Variants in DPP10 observed in about 807,000 individuals in gnomAD.
DPP10 encodes dipeptidyl peptidase like 10.
Under a neutral mutation model 120.9 loss-of-function variants are expected in DPP10, and 33 were observed. That is an observed-to-expected ratio of 0.27 (90% CI 0.21 to 0.37). The LOEUF (loss-of-function observed/expected upper bound fraction) is 0.37. Among genes scored for constraint, DPP10 ranks in the 10% least tolerant of loss-of-function variants. The pLI, the probability that DPP10 is intolerant of heterozygous loss-of-function variation, is 1.00. For synonymous variants in DPP10, 337 were observed against 326.1 expected, an observed-to-expected ratio of 1.03 and a Z score of -0.36; for missense variants, 816 against 942.8, an observed-to-expected ratio of 0.87 and a Z score of 1.76.
intron 2 of DPP10, among the ~76,000 whole-genome samples, chr2:115,341,161 G>A (rs991078722): frequency 6.6e-6 from 1 of 152,058 alleles, no homozygotes; most frequent in African/African-American, 2.4e-5. Context: ...GAAACAAAAA[G>A]CACTTATCCT....
chr2:115,447,744 C>G (rs530588498), intron 3 of DPP10, among the ~76,000 whole-genome samples: 1 of 152,312 alleles, frequency 6.6e-6, no homozygotes, highest in African/African-American at 2.4e-5. Flanking sequence ...GAGATCTCCT[C>G]AGCCATGCAG....
chr2:114,677,226 C>T (rs1268460184), intron 1 of DPP10, among the ~76,000 whole-genome samples: 1 of 152,082 alleles, frequency 6.6e-6, no homozygotes, highest in Non-Finnish European at 1.5e-5. Context: ...AGACGGCTGT[C>T]TAGGCAAGGC....
chr2:115,096,846 G>A (rs935372367), intron 1 of DPP10, among the ~76,000 whole-genome samples: 37 of 152,166 alleles, frequency 2.4e-4, no homozygotes, highest in South Asian at 8.3e-4. Context: ...GTAACAGTTC[G>A]TCTCAGATGT....
chr2:114,465,030 C>A (rs1679238500), intron 1 of DPP10, among the ~76,000 whole-genome samples: 1 of 152,202 alleles, frequency 6.6e-6, no homozygotes. Flanking sequence ...CATCTTAACA[C>A]CTGAGCATGC....
chr2:115,200,354 A>G (rs2055609005), intron 1 of DPP10, among the ~76,000 whole-genome samples: 1 of 152,162 alleles, frequency 6.6e-6, no homozygotes, highest in South Asian at 2.1e-4. Context: ...ATAGGTGTAC[A>G]AGGAACTCTG....
intron 3 of DPP10, among the ~76,000 whole-genome samples, chr2:115,364,776 G>A (rs923215625): frequency 6.6e-6 from 1 of 151,986 alleles, no homozygotes; most frequent in African/African-American, 2.4e-5. Context: ...CTAGCACGTA[G>A]TTACGCTGTT....
At chr2:115,591,435 T>G (rs1398902565) in intron 5 of DPP10, among the ~76,000 whole-genome samples, 3 of 152,222 alleles carry the variant, frequency 2.0e-5, no homozygotes, top group Non-Finnish European at 4.4e-5. Flanking sequence ...TTCTTGTTTT[T>G]GTCAGGTTTT....
intron 1 of DPP10, among the ~76,000 whole-genome samples, chr2:114,860,892 G>T (rs528296308): frequency 1.3e-5 from 2 of 152,264 alleles, no homozygotes; most frequent in East Asian, 3.9e-4. Context: ...CCTCTCCAGA[G>T]GCAACCAATA....
chr2:114,458,171 C>A (rs1678683301), intron 1 of DPP10, among the ~76,000 whole-genome samples: 1 of 152,216 alleles, frequency 6.6e-6, no homozygotes, highest in African/African-American at 2.4e-5. Context: ...CTATCCTGTG[C>A]TATTCTGCCA....
intron 1 of DPP10, among the ~76,000 whole-genome samples, chr2:114,689,247 G>A (rs535759054): frequency 2.9e-5 from 4 of 139,162 alleles, no homozygotes; most frequent in Admixed American, 7.6e-5. Context: ...ACCACCCTGC[G>A]ACAGACCCCA....
intron 1 of DPP10, among the ~76,000 whole-genome samples, chr2:114,814,137 A>T (rs575250550): frequency 1.1e-3 from 161 of 152,310 alleles, no homozygotes; most frequent in Middle Eastern, 3.4e-3. Context: ...CATAGTCTCC[A>T]CTTGGAAAGC....
At chr2:115,733,152 T>C (rs2149663685) in intron 8 of DPP10, among the ~76,000 whole-genome samples, 1 of 152,306 alleles carries the variant, frequency 6.6e-6, no homozygotes, top group Non-Finnish European at 1.5e-5. Flanking sequence ...GCAATATTCT[T>C]ATCAGCAGAT....
At chr2:115,780,757 C>G in intron 15 of DPP10, 117 bp from the exon 16 acceptor site, 1 of 898,560 alleles carries the variant, frequency 1.1e-6, no homozygotes, top group Non-Finnish European at 1.6e-6. Context: ...TACAGTGAAC[C>G]TCTATGCAAG....
At chr2:115,343,777 C>A in intron 2 of DPP10, 40 bp from the exon 3 acceptor site, 1 of 1,437,412 alleles carries the variant, frequency 7.0e-7, no homozygotes, top group Non-Finnish European at 9.7e-7. Flanking sequence ...AAAAAACAAG[C>A]ATAAGATAGG....
chr2:114,482,799 G>A (rs1681176317), intron 1 of DPP10, among the ~76,000 whole-genome samples: 1 of 152,112 alleles, frequency 6.6e-6, no homozygotes, highest in African/African-American at 2.4e-5. Context: ...TATGATTACT[G>A]ATAAATGTCT....
intron 1 of DPP10, among the ~76,000 whole-genome samples, chr2:115,085,294 C>G (rs78101568): frequency 0.037 from 5,666 of 152,230 alleles, 159 homozygotes; most frequent in Middle Eastern, 0.071. Context: ...TCTGTCCCAC[C>G]TCCACCAATG....
intron 5 of DPP10, among the ~76,000 whole-genome samples, chr2:115,637,283 G>A (rs2086418522): frequency 6.6e-6 from 1 of 152,028 alleles, no homozygotes; most frequent in Admixed American, 6.6e-5. Context: ...TCAAAAAACT[G>A]ATTAAAAAAT....
At chr2:115,537,563 G>GC (rs1553443392) in intron 5 of DPP10, among the ~76,000 whole-genome samples, 1 of 128,650 alleles carries the variant, frequency 7.8e-6, no homozygotes, top group South Asian at 2.5e-4. Context: ...ACACATCACT[G>GC]TTTTTTTTTT....
intron 1 of DPP10, among the ~76,000 whole-genome samples, chr2:114,750,188 A>G (rs1281075246): frequency 1.3e-5 from 2 of 152,094 alleles, no homozygotes; most frequent in Non-Finnish European, 2.9e-5. Context: ...AAGGCAAAGT[A>G]TGTTGAAGGC....
Sources: allele counts gnomAD v4.1 joint callset (sites outside exome capture counted in the v4.1 genomes callset), GRCh38; gene constraint gnomAD v4.1.1; transcripts MANE v1.5; gene names NCBI Gene and HGNC (gene_info 2026-07-23, HGNC 2026-07-21).